The following FBN2 variants were observed in gnomAD, a reference collection of about 807,000 sequenced individuals.
FBN2 encodes the protein fibrillin-2.
A neutral mutation model predicts 355.6 loss-of-function variants in FBN2; 105 were observed. The observed-to-expected ratio is 0.30, with a 90% CI of 0.25 to 0.35. FBN2 has a LOEUF of 0.35. Ranked by LOEUF, FBN2 falls within the 10% of genes least tolerant of loss-of-function variation. The probability of loss-of-function intolerance (pLI) is 1.00; values close to 1 mark genes in which losing one functional copy is unlikely to be tolerated. For missense variants in FBN2, 3,280 were observed against 3,758.7 expected, an observed-to-expected ratio of 0.87 and a Z score of 3.33; for synonymous variants, 1,350 against 1,301.2, an observed-to-expected ratio of 1.04 and a Z score of -0.81.
intron 5 of FBN2, among the ~76,000 whole-genome samples, chr5:128,497,295 C>T (rs1338999893): frequency 6.6e-6 from 1 of 152,102 alleles, no homozygotes; most frequent in Non-Finnish European, 1.5e-5. Context: ...GAGTACACAC[C>T]AGAAATCCTA....
intron 5 of FBN2, among the ~76,000 whole-genome samples, chr5:128,514,987 C>T (rs1034865390): frequency 4.3e-4 from 66 of 152,326 alleles, no homozygotes; most frequent in Middle Eastern, 3.4e-3. Context: ...CCTGGTCATA[C>T]TACTAATTTG....
At chr5:128,300,790 G>C in intron 48 of FBN2, 27 bp downstream of exon 48, 1 of 1,612,030 alleles carries the variant, frequency 6.2e-7, no homozygotes, top group Non-Finnish European at 8.5e-7. Flanking sequence ...AACTACTAGT[G>C]GGCCTCAGAA....
chr5:128,288,986 C>T (rs1256306554), intron 52 of FBN2, 141 bp downstream of exon 52: 1 of 817,472 alleles, frequency 1.2e-6, no homozygotes, highest in East Asian at 2.6e-5. Context: ...AAATGTAAGA[C>T]TGGTGAAGAA....
chr5:128,407,689 T>C (rs1321058360), intron 8 of FBN2, among the ~76,000 whole-genome samples: 3 of 152,208 alleles, frequency 2.0e-5, no homozygotes, highest in Non-Finnish European at 4.4e-5. Flanking sequence ...TATCAGTACA[T>C]TTAATCAAAT....
chr5:128,392,736 T>C (rs1247739690), intron 10 of FBN2, among the ~76,000 whole-genome samples: 1 of 152,160 alleles, frequency 6.6e-6, no homozygotes, highest in Admixed American at 6.5e-5. Flanking sequence ...TGGAAAATAA[T>C]TCAAGGGGTG....
chr5:128,305,392 C>T, intron 44 of FBN2, 119 bp downstream of exon 44: 1 of 1,139,654 alleles, frequency 8.8e-7, no homozygotes. Context: ...AATAGGTTCA[C>T]TATAAATGAA....
rs141207491 is a variant in FBN2, at chr5:128,361,778, G to A, written c.2499C>T (p.Tyr833=). 6.2e-7 allele frequency: 1 copy of A among 1,613,988 alleles called. No individual in the cohort carries two copies. The highest frequency in any genetic ancestry group is 8.5e-7 in the Non-Finnish European group (1 of 1,179,974). Residue 833 remains tyrosine, a synonymous_variant, in exon 19 of 65, where the codon TAC becomes TAT. Coordinates refer to ENST00000262464, the MANE Select transcript of FBN2 (RefSeq NM_001999.4). ...CATACCCTGGTGGGCACGTACAGCT[G>A]TAACTTCCTGGCGTGTTTCGGCACA... ...NGLCRNTPGS[Y]SCTCPPGYVF... is the part of the protein sequence containing the mutation.
At chr5:128,460,687 C>G (rs1426743549) in intron 6 of FBN2, among the ~76,000 whole-genome samples, 1 of 152,016 alleles carries the variant, frequency 6.6e-6, no homozygotes, top group Non-Finnish European at 1.5e-5. Flanking sequence ...AGAACAGAGA[C>G]CTCAGAAATA....
Position 128,336,010 on chromosome 5 carries a change from C to A in FBN2, c.3702G>T (p.Thr1234=). 6.2e-7 allele frequency: 1 copy of A among 1,614,094 alleles called. No homozygotes were observed. The highest frequency in any genetic ancestry group is 8.5e-7 in the Non-Finnish European group (1 of 1,179,990). The stretch of plus-strand genomic sequence containing the variant: ...TACCTGTACAGCCCTGGCGGTCTGG[C>A]GTAGCCTGATATCCAGGATTGCAAG... ...QCSCNPGYQA[T]PDRQGCTDID... is the part of the protein sequence containing the mutation. The change falls in exon 28 of 65, where the codon ACG becomes ACT. Residue 1234 remains threonine (T), a synonymous_variant. Transcript: ENST00000262464.
intron 18 of FBN2, among the ~76,000 whole-genome samples, chr5:128,362,576 A>AAGGAAG (rs1225307616): frequency 1.3e-5 from 2 of 152,182 alleles, no homozygotes; most frequent in African/African-American, 4.8e-5. Context: ...TCCTCCTGCC[A>AAGGAAG]CAGCCTTCCA....
chr5:128,489,457 C>T (rs1242383124), intron 5 of FBN2, among the ~76,000 whole-genome samples: 1 of 151,940 alleles, frequency 6.6e-6, no homozygotes, highest in African/African-American at 2.4e-5. Flanking sequence ...GGCTGTTTTT[C>T]TCATATCTTT....
At position 128,513,277 on chromosome 5, in the gene FBN2, T is replaced by G. The variant is rs1050077145; in HGVS notation, c.628+5996A>C. 3.9e-5 allele frequency among the ~76,000 whole-genome samples: 6 copies of G among 152,364 alleles called. No individual in the cohort carries two copies. In the East Asian group the frequency reaches 1.2e-3, roughly 29 times the overall value. On this transcript the variant is annotated intron_variant, in intron 5 of 64. Transcript: ENST00000262464. ...TGTTACATAACTTCCCCCATATACA[T>G]GCACATCTGATTTAATTACTTTTGA... is the stretch of plus-strand genomic sequence containing the variant.
chr5:128,278,547 T>C (rs940759429), intron 57 of FBN2, 88 bp downstream of exon 57: 2 of 1,151,420 alleles, frequency 1.7e-6, no homozygotes, highest in Non-Finnish European at 2.6e-6. Context: ...CTTTTGATTG[T>C]ATCAATTTTT....
chr5:128,529,718 G>A (rs1241041487), intron 3 of FBN2, among the ~76,000 whole-genome samples: 2 of 152,206 alleles, frequency 1.3e-5, no homozygotes, highest in South Asian at 4.1e-4. Flanking sequence ...AATCAGGCAA[G>A]AAAGAGAGGT....
chr5:128,261,518 ACTGTGAAT>A (rs1180782569), intron 64 of FBN2, among the ~76,000 whole-genome samples: 1 of 152,228 alleles, frequency 6.6e-6, no homozygotes, highest in African/African-American at 2.4e-5. Context: ...ATGCTCTGAA[ACTGTGAAT>A]CTTAAAGTCT....
intron 57 of FBN2, among the ~76,000 whole-genome samples, chr5:128,278,326 G>C (rs961546053): frequency 6.6e-6 from 1 of 152,144 alleles, no homozygotes; most frequent in Admixed American, 6.5e-5. Context: ...AAAAGTGTGT[G>C]ATCTTGGGAA....
chr5:128,439,951 T>A (rs1049836724), intron 7 of FBN2, among the ~76,000 whole-genome samples: 1 of 152,168 alleles, frequency 6.6e-6, no homozygotes, highest in Non-Finnish European at 1.5e-5. Context: ...ATGTGACACA[T>A]AGATCCAAAT....
intron 15 of FBN2, among the ~76,000 whole-genome samples, chr5:128,373,347 T>TGAAG (rs1751997206): frequency 6.6e-6 from 1 of 152,230 alleles, no homozygotes; most frequent in Non-Finnish European, 1.5e-5. Context: ...TATATTCTTC[T>TGAAG]AGCTGCTGTA....
rs960069139 is a variant in FBN2 at position 128,425,109 on chromosome 5, A to G, written c.953-16310T>C. On this transcript the variant is annotated intron_variant, in intron 7 of 64. Coordinates refer to ENST00000262464, the MANE Select transcript of FBN2 (RefSeq NM_001999.4). ...ATTTTGTCACCTTTTGTTAGTCCAA[A>G]TTTAAGACACATTAGGACAAACTTA... is the stretch of plus-strand genomic sequence containing the variant. 2.6e-5 allele frequency among the ~76,000 whole-genome samples: 4 copies of G among 151,692 alleles called. No homozygotes were observed. In the East Asian group the frequency reaches 7.8e-4, roughly 29 times the overall value.
Sources: allele counts gnomAD v4.1 joint callset (sites outside exome capture counted in the v4.1 genomes callset), GRCh38; gene constraint gnomAD v4.1.1; transcripts MANE v1.5; gene names NCBI Gene and HGNC (gene_info 2026-07-23, HGNC 2026-07-21).